Variants in CBFB observed in about 807,000 individuals in gnomAD.
The protein encoded by CBFB is CBF-beta.
CBFB carries 9 observed loss-of-function variants against 30.4 expected under a neutral mutation model. The ratio of observed to expected loss-of-function variants is 0.30; its 90% CI spans 0.18 to 0.52. The LOEUF (loss-of-function observed/expected upper bound fraction) is 0.52, where lower values mean the gene tolerates loss of function less well. CBFB is among the 20% of genes least tolerant of loss of function. The probability of loss-of-function intolerance (pLI) is 0.97; values close to 1 mark genes in which losing one functional copy is unlikely to be tolerated. For synonymous variants in CBFB, 94 were observed against 84.0 expected, an observed-to-expected ratio of 1.12 and a Z score of -0.65; for missense variants, 170 against 244.0, an observed-to-expected ratio of 0.70 and a Z score of 2.02.
chr16:67,048,023 C>T (rs1966660566), intron 3 of CBFB, among the ~76,000 whole-genome samples: 1 of 152,018 alleles, frequency 6.6e-6, no homozygotes, highest in Non-Finnish European at 1.5e-5. Context: ...GAGCCAAGAT[C>T]GCGCCACTGC....
chr16:67,035,454 A>G (rs902096223), intron 2 of CBFB, among the ~76,000 whole-genome samples: 6 of 152,192 alleles, frequency 3.9e-5, no homozygotes, highest in African/African-American at 1.4e-4. Context: ...AACATTTACC[A>G]CATGAAAATG....
intron 5 of CBFB, among the ~76,000 whole-genome samples, chr16:67,089,414 C>G (rs1372600610): frequency 6.6e-6 from 1 of 152,102 alleles, no homozygotes; most frequent in African/African-American, 2.4e-5. Flanking sequence ...TTATTTTTCA[C>G]TGTGTATCTT....
chr16:67,058,081 G>A (rs1213918655), intron 3 of CBFB, among the ~76,000 whole-genome samples: 6 of 152,168 alleles, frequency 3.9e-5, no homozygotes, highest in African/African-American at 1.4e-4. Flanking sequence ...ATTGTCATTT[G>A]TAGTCTTTCC....
At chr16:67,035,693 A>G (rs1022846984) in intron 2 of CBFB, among the ~76,000 whole-genome samples, 1 of 152,242 alleles carries the variant, frequency 6.6e-6, no homozygotes, top group Non-Finnish European at 1.5e-5. Context: ...GACTCTATGC[A>G]TGGAAACCAA....
chr16:67,096,987 A>G (rs1421202579), intron 5 of CBFB, among the ~76,000 whole-genome samples: 1 of 151,846 alleles, frequency 6.6e-6, no homozygotes, highest in Non-Finnish European at 1.5e-5. Context: ...TAATTCCAGC[A>G]CTTTGGGAGG....
intron 3 of CBFB, among the ~76,000 whole-genome samples, chr16:67,049,491 C>A (rs907038896): frequency 6.6e-6 from 1 of 151,986 alleles, no homozygotes; most frequent in Non-Finnish European, 1.5e-5. Flanking sequence ...CGTGAGCCAC[C>A]GCGCCCGGCC....
chr16:67,052,629 A>AT (rs1023303472), intron 3 of CBFB, among the ~76,000 whole-genome samples: 33 of 151,978 alleles, frequency 2.2e-4, no homozygotes, highest in Non-Finnish European at 4.0e-4. Context: ...TGTGGCTTGC[A>AT]TTTGTGATTC....
At chr16:67,062,706 T>A (rs1960945840) in intron 3 of CBFB, among the ~76,000 whole-genome samples, 1 of 151,638 alleles carries the variant, frequency 6.6e-6, no homozygotes, top group Non-Finnish European at 1.5e-5. Flanking sequence ...GCAGGGAGAA[T>A]CACTTGAACC....
intron 4 of CBFB, among the ~76,000 whole-genome samples, chr16:67,068,554 G>C (rs1961125477): frequency 6.6e-6 from 1 of 152,172 alleles, no homozygotes; most frequent in Non-Finnish European, 1.5e-5. Flanking sequence ...AGACTCCTCA[G>C]AATTAGTCCA....
intron 3 of CBFB, among the ~76,000 whole-genome samples, chr16:67,039,365 G>C (rs1019774335): frequency 2.0e-5 from 3 of 152,140 alleles, no homozygotes; most frequent in African/African-American, 7.2e-5. Context: ...ACTTTGAATG[G>C]AGCTTGCAGG....
At chr16:67,066,984 A>G (rs1034675928) in intron 4 of CBFB, 186 bp downstream of exon 4, 5 of 432,372 alleles carry the variant, frequency 1.2e-5, no homozygotes, top group African/African-American at 1.0e-4. Flanking sequence ...TTTTTTCTTC[A>G]GCAGTTCTAA....
At position 67,048,345 on chromosome 16, in the gene CBFB, T is replaced by C. The variant is rs1341917806; in HGVS notation, c.282+11590T>C. 5.3e-5 allele frequency among the ~76,000 whole-genome samples: 8 copies of C among 152,168 alleles called. No individual in the cohort carries two copies. In the South Asian group the frequency reaches 6.2e-4, roughly 12 times the overall value. ...ATCCTGAATATTCTGTATGAAAACA[T>C]TGGATATGAAGAAAAAAAGAAAATT... is the stretch of plus-strand genomic sequence containing the variant. On this transcript the variant is annotated intron_variant, in intron 3 of 5. Coordinates refer to ENST00000412916, the MANE Select transcript of CBFB (RefSeq NM_022845.3).
chr16:67,063,114 T>C (rs1960957090), intron 3 of CBFB, among the ~76,000 whole-genome samples: 1 of 152,102 alleles, frequency 6.6e-6, no homozygotes, highest in African/African-American at 2.4e-5. Flanking sequence ...GGTATTGTTT[T>C]TAGGTTTTGT....
chr16:67,076,592 C>T lies in CBFB; in HGVS notation c.400-5621C>T, dbSNP rs144989931. Among the ~76,000 whole-genome samples the T allele has an allele frequency of 5.9e-3, 905 of 152,212 alleles. 11 individuals carry two copies. Among genetic ancestry groups the T allele is most frequent in the Non-Finnish European group, 9.7e-3 (663 of 68,020 alleles). On this transcript the variant is annotated intron_variant, in intron 4 of 5. Transcript: ENST00000412916. ...TATTCACAAAATTATGGATAGTGGT[C>T]ACCTCTAGGAACAGGAGGGAAACAG...
intron 3 of CBFB, among the ~76,000 whole-genome samples, chr16:67,040,644 G>A (rs149662601): frequency 6.6e-6 from 1 of 152,100 alleles, no homozygotes; most frequent in African/African-American, 2.4e-5. Flanking sequence ...ATTGTCCTAG[G>A]TATTTGAGAT....
chr16:67,090,636 C>T (rs1457273817), intron 5 of CBFB, among the ~76,000 whole-genome samples: 3 of 152,154 alleles, frequency 2.0e-5, no homozygotes, highest in Non-Finnish European at 4.4e-5. Context: ...ATATAGCACT[C>T]TTGGCTTTTA....
intron 5 of CBFB, among the ~76,000 whole-genome samples, chr16:67,088,762 G>GCAGCA (rs1467001788): frequency 6.6e-6 from 1 of 152,198 alleles, no homozygotes; most frequent in Non-Finnish European, 1.5e-5. Flanking sequence ...TGAGATCCTA[G>GCAGCA]CAGCACAGAG....
At chr16:67,042,474 A>G (rs997763892) in intron 3 of CBFB, among the ~76,000 whole-genome samples, 1 of 152,166 alleles carries the variant, frequency 6.6e-6, no homozygotes, top group Non-Finnish European at 1.5e-5. Context: ...GTATGCACCC[A>G]TGTAGATGCT....
chr16:67,088,480 GT>G (rs2145779068), intron 5 of CBFB, among the ~76,000 whole-genome samples: 1 of 152,280 alleles, frequency 6.6e-6, no homozygotes, highest in Admixed American at 6.5e-5. Flanking sequence ...GAAACAGTGA[GT>G]ATTTAAACCA....
Sources: allele counts gnomAD v4.1 joint callset (sites outside exome capture counted in the v4.1 genomes callset), GRCh38; gene constraint gnomAD v4.1.1; transcripts MANE v1.5; gene names NCBI Gene and HGNC (gene_info 2026-07-23, HGNC 2026-07-21).